Variants in UBE2E2 observed in about 807,000 individuals in gnomAD.
UBE2E2 encodes the protein ubiquitin-conjugating enzyme E2 E2.
Under a neutral mutation model 24.7 loss-of-function variants are expected in UBE2E2, and 6 were observed. That is an observed-to-expected ratio of 0.24 (90% CI 0.13 to 0.48). The LOEUF is 0.48. Ranked by LOEUF, UBE2E2 falls within the 20% of genes least tolerant of loss-of-function variation. The probability of loss-of-function intolerance (pLI) is 0.99; values close to 1 mark genes in which losing one functional copy is unlikely to be tolerated. For missense variants in UBE2E2, 169 were observed against 245.0 expected (o/e 0.69, Z 2.07); for synonymous variants, 104 against 83.6 (o/e 1.24, Z -1.33).
At chr3:23,493,566 T>C (rs1699543146) in intron 3 of UBE2E2, among the ~76,000 whole-genome samples, 2 of 152,206 alleles carry the variant, frequency 1.3e-5, no homozygotes, top group African/African-American at 4.8e-5. Context: ...AATAAAACAG[T>C]AAGGGAATTG....
intron 3 of UBE2E2, among the ~76,000 whole-genome samples, chr3:23,266,754 C>T (rs888917707): frequency 1.3e-5 from 2 of 152,144 alleles, no homozygotes; most frequent in African/African-American, 4.8e-5. Flanking sequence ...AATATACATT[C>T]TTTTCAGCAG....
intron 4 of UBE2E2, among the ~76,000 whole-genome samples, chr3:23,532,002 C>T (rs543702751): frequency 1.0e-4 from 15 of 147,442 alleles, no homozygotes; most frequent in Middle Eastern, 7.1e-3. Context: ...GTGGAGGTTG[C>T]AGTGAGCAAA....
intron 4 of UBE2E2, among the ~76,000 whole-genome samples, chr3:23,526,199 C>T (rs1694993397): frequency 6.6e-6 from 1 of 152,132 alleles, no homozygotes; most frequent in Admixed American, 6.5e-5. Context: ...GTGCCCGGCA[C>T]ATATTGAATG....
intron 3 of UBE2E2, among the ~76,000 whole-genome samples, chr3:23,354,347 A>G (rs1486129491): frequency 6.6e-6 from 1 of 152,222 alleles, no homozygotes; most frequent in Non-Finnish European, 1.5e-5. Flanking sequence ...CATGTCTAAA[A>G]CACCAAAAGC....
intron 3 of UBE2E2, among the ~76,000 whole-genome samples, chr3:23,376,499 C>T (rs868535704): frequency 2.0e-5 from 3 of 152,156 alleles, no homozygotes; most frequent in African/African-American, 4.8e-5. Flanking sequence ...TTATTAAAGG[C>T]GTTGCCCAAT....
intron 3 of UBE2E2, among the ~76,000 whole-genome samples, chr3:23,352,561 A>G (rs1319833590): frequency 2.0e-5 from 3 of 152,178 alleles, no homozygotes; most frequent in Non-Finnish European, 4.4e-5. Context: ...TATCACCACC[A>G]ATCCCACAGA....
intron 3 of UBE2E2, among the ~76,000 whole-genome samples, chr3:23,304,272 C>G (rs1042436936): frequency 4.6e-5 from 7 of 152,008 alleles, no homozygotes; most frequent in Admixed American, 2.6e-4. Flanking sequence ...ACATAGAGAC[C>G]TTTTAAGTTT....
intron 3 of UBE2E2, among the ~76,000 whole-genome samples, chr3:23,302,590 T>C (rs1224646108): frequency 6.6e-6 from 1 of 152,210 alleles, no homozygotes; most frequent in Non-Finnish European, 1.5e-5. Context: ...TCCTAGATGC[T>C]TCTAGAGCTG....
chr3:23,211,933 A>G (rs1226224508), intron 2 of UBE2E2, among the ~76,000 whole-genome samples: 2 of 152,188 alleles, frequency 1.3e-5, no homozygotes, highest in Non-Finnish European at 2.9e-5. Flanking sequence ...AAAATGAGGT[A>G]TATGTTAACC....
At chr3:23,515,638 A>G (rs1030353121) in intron 4 of UBE2E2, among the ~76,000 whole-genome samples, 1 of 152,098 alleles carries the variant, frequency 6.6e-6, no homozygotes, top group Non-Finnish European at 1.5e-5. Context: ...CGTTCTCATT[A>G]ATTAAGAACA....
intron 3 of UBE2E2, among the ~76,000 whole-genome samples, chr3:23,319,458 G>T (rs1168469013): frequency 6.6e-6 from 1 of 152,102 alleles, no homozygotes; most frequent in East Asian, 1.9e-4. Flanking sequence ...ATATAGTGTT[G>T]ATTGTGTGCC....
At chr3:23,385,666 G>T (rs1354850042) in intron 3 of UBE2E2, among the ~76,000 whole-genome samples, 1 of 152,186 alleles carries the variant, frequency 6.6e-6, no homozygotes, top group African/African-American at 2.4e-5. Context: ...GTTTTGATCA[G>T]CTTCTTGAGG....
chr3:23,384,452 C>G (rs1696754324), intron 3 of UBE2E2, among the ~76,000 whole-genome samples: 1 of 152,194 alleles, frequency 6.6e-6, no homozygotes, highest in Non-Finnish European at 1.5e-5. Flanking sequence ...GTGTGAGCCA[C>G]TGCGCCTGAC....
intron 3 of UBE2E2, among the ~76,000 whole-genome samples, chr3:23,237,785 A>C (rs749763276): frequency 2.0e-5 from 3 of 152,180 alleles, no homozygotes; most frequent in Non-Finnish European, 4.4e-5. Context: ...GTTTAGGAGA[A>C]TAATAGCTTT....
chr3:23,429,371 C>T (rs367599611), intron 3 of UBE2E2, among the ~76,000 whole-genome samples: 4 of 151,970 alleles, frequency 2.6e-5, no homozygotes, highest in African/African-American at 9.7e-5. Flanking sequence ...ATATAATAGG[C>T]GTAAAAAATT....
At chr3:23,562,199 G>A (rs1349193387) in intron 5 of UBE2E2, among the ~76,000 whole-genome samples, 4 of 152,080 alleles carry the variant, frequency 2.6e-5, no homozygotes, top group African/African-American at 9.7e-5. Flanking sequence ...GATATTGGCT[G>A]TGGGTTTGTC....
intron 3 of UBE2E2, among the ~76,000 whole-genome samples, chr3:23,380,004 C>G (rs568578971): frequency 6.9e-6 from 1 of 145,436 alleles, no homozygotes. Flanking sequence ...CATAAATTAA[C>G]TTAGTGAAAC....
intron 3 of UBE2E2, among the ~76,000 whole-genome samples, chr3:23,364,765 C>T (rs940100758): frequency 2.5e-4 from 38 of 152,278 alleles, no homozygotes; most frequent in African/African-American, 8.2e-4. Flanking sequence ...CTCTCTAATT[C>T]ATTCTGTGAG....
chr3:23,234,545 G>C (rs1225641196), intron 3 of UBE2E2, among the ~76,000 whole-genome samples: 1 of 152,152 alleles, frequency 6.6e-6, no homozygotes, highest in Non-Finnish European at 1.5e-5. Context: ...TCCTAGGTAA[G>C]AGATTAGGTA....
Sources: gnomAD v4.1 joint callset for allele counts (sites outside exome capture counted in the v4.1 genomes callset) on GRCh38, gnomAD v4.1.1 for gene constraint, MANE v1.5 for transcripts, NCBI Gene and HGNC (gene_info 2026-07-23, HGNC 2026-07-21) for gene names.